Variants in URB1 observed in about 807,000 individuals in gnomAD.
The protein encoded by URB1 is nucleolar pre-ribosomal-associated protein 1.
URB1 carries 197 observed loss-of-function variants against 242.3 expected under a neutral mutation model. That is an observed-to-expected ratio of 0.81 (90% CI 0.72 to 0.91). The LOEUF (loss-of-function observed/expected upper bound fraction) is 0.91, where lower values mean the gene tolerates loss of function less well. URB1 is among the 40% of genes least tolerant of loss of function. The pLI is 0.00. For missense variants in URB1, 2,721 were observed against 2,860.5 expected, an observed-to-expected ratio of 0.95 and a Z score of 1.11; for synonymous variants, 1,153 against 1,201.8, an observed-to-expected ratio of 0.96 and a Z score of 0.84.
At chr21:32,326,756 G>A (rs2032834706) in intron 30 of URB1, among the ~76,000 whole-genome samples, 1 of 152,100 alleles carries the variant, frequency 6.6e-6, no homozygotes, top group African/African-American at 2.4e-5. Context: ...AGTTTCCTGA[G>A]GCCTCCCCAG....
chr21:32,373,433 TA>T (rs113158287), intron 7 of URB1, among the ~76,000 whole-genome samples: 8 of 145,340 alleles, frequency 5.5e-5, no homozygotes, highest in South Asian at 2.1e-4. Flanking sequence ...GTTTTCTAAT[TA>T]AAAAAAAAAA....
rs547500558 is a variant in URB1 at position 32,320,706 on chromosome 21, G to A, written c.5485-66C>T. 1.8e-5 allele frequency: 22 copies of A among 1,210,230 alleles called. No individual in the cohort carries two copies. In the East Asian group the frequency reaches 2.3e-4, roughly 13 times the overall value. 75.0% of individuals were successfully genotyped at this position (1,210,230 alleles called of 1,614,324 possible). A position where few individuals can be genotyped will look rare whatever the true frequency, so the allele number is the denominator to read the frequency against. ...CCCACTTTACTTGATTAAAGAAACCGTTTTAAAAATTAATGGTATGGTGCC... is the reference window on the plus strand; with the variant it reads ...CCCACTTTACTTGATTAAAGAAACCATTTTAAAAATTAATGGTATGGTGCC... On this transcript the variant is annotated intron_variant, in intron 34 of 38. Coordinates refer to ENST00000382751, the MANE Select transcript of URB1 (RefSeq NM_014825.3).
In URB1 at chr21:32,372,446, A is replaced by G. The variant is rs1426655410; in HGVS notation, c.1001+61T>C. 1.2e-5 allele frequency: 18 copies of G among 1,522,730 alleles called. No homozygotes were observed. In the Admixed American group the frequency reaches 3.6e-4, roughly 31 times the overall value. 94.3% of individuals were successfully genotyped at this position (1,522,730 alleles called of 1,614,324 possible). On this transcript the variant is annotated intron_variant, in intron 8 of 38. Transcript: ENST00000382751. ...TACTACAGTTCCACTAGACACTCAC[A>G]TATGTGGTGACTTCTGAGGAACATA...
chr21:32,314,462 G>A lies in URB1; in HGVS notation c.*456C>T. ...GGCCTCCCAAAGTGCTGGGATTATA[G>A]GCGTGAGCCACCTCACCTGCTGAAA... On this transcript the variant is annotated 3_prime_UTR_variant, in exon 39 of 39. Transcript: ENST00000382751. The A allele has an allele frequency of 4.9e-6, 6 of 1,228,112 alleles. No individual in the cohort carries two copies. The highest frequency in any genetic ancestry group is 7.2e-6 in the Non-Finnish European group (6 of 835,400). The allele number at this position is 1,228,112 out of a possible 1,614,324, so 76.1% of individuals were successfully genotyped here.
chr21:32,319,488 A>G, intron 35 of URB1, 74 bp from the exon 36 acceptor site: 1 of 1,358,760 alleles, frequency 7.4e-7, no homozygotes, highest in South Asian at 1.7e-5. Context: ...CGCCCTCCAT[A>G]ATCCTATCTG....
chr21:32,321,692 G>A (rs1237473679), intron 34 of URB1, 109 bp downstream of exon 34: 16 of 1,464,158 alleles, frequency 1.1e-5, no homozygotes, highest in African/African-American at 5.6e-5. Flanking sequence ...GGGTTAGGTC[G>A]GTCGTGTCCA....
intron 27 of URB1, 94 bp downstream of exon 27, chr21:32,337,310 T>G (rs2032971622): frequency 2.2e-6 from 3 of 1,364,896 alleles, no homozygotes; most frequent in Non-Finnish European, 3.0e-6. Flanking sequence ...CTCCTCCTGC[T>G]CACATCCCTC....
rs143152074 is a variant in URB1, at chr21:32,343,933, G to A, written c.4257+637C>T. Among the ~76,000 whole-genome samples, 11 of 151,128 alleles carry A rather than the reference G, an allele frequency of 7.3e-5. No homozygotes were observed. The East Asian group carries it at 2.1e-3, about 29-fold the overall frequency. On this transcript the variant is annotated intron_variant, in intron 24 of 38. Transcript: ENST00000382751. Reference sequence around the variant, plus strand: ...AGAGAAAGAAGACACAACACACAGAGAAACAAAGGCAAGAAAGGCAAGTTT... The same window carrying A: ...AGAGAAAGAAGACACAACACACAGAAAAACAAAGGCAAGAAAGGCAAGTTT...
At position 32,349,491 on chromosome 21, in the gene URB1, G is replaced by A; in HGVS notation, c.2833-8C>T. 6.5e-7 allele frequency: 1 copy of A among 1,539,944 alleles called. No homozygotes were observed. Among genetic ancestry groups the A allele is most frequent in the Non-Finnish European group, 8.8e-7 (1 of 1,142,336 alleles). On this transcript the variant is annotated splice_polypyrimidine_tract_variant and splice_region_variant and intron_variant, in intron 20 of 38. Coordinates refer to ENST00000382751, the MANE Select transcript of URB1 (RefSeq NM_014825.3). ...GCCCACACTTCTGCCCAGCTGTGAG[G>A]ACAAGAGCACGAGCCTCAGCAGGGA... is the stretch of plus-strand genomic sequence containing the variant.
intron 24 of URB1, 31 bp downstream of exon 24, chr21:32,344,539 T>C: frequency 6.5e-7 from 1 of 1,547,182 alleles, no homozygotes. Context: ...CCACAGAAAT[T>C]TAATCTGGAT....
At chr21:32,377,389 G>C (rs1056839667) in intron 5 of URB1, 9 of 488,080 alleles carry the variant, frequency 1.8e-5, no homozygotes, top group African/African-American at 1.8e-4. Context: ...ACTGTAGTAT[G>C]TTCCAGCCCC....
chr21:32,340,761 G>T (rs2033020367), intron 25 of URB1, among the ~76,000 whole-genome samples: 1 of 152,124 alleles, frequency 6.6e-6, no homozygotes, highest in South Asian at 2.1e-4. Flanking sequence ...GGGAGAGAAT[G>T]AGAGAATGAG....
chr21:32,365,913 TC>T (rs1474527356), intron 10 of URB1, among the ~76,000 whole-genome samples: 2 of 152,068 alleles, frequency 1.3e-5, no homozygotes, highest in African/African-American at 4.8e-5. Flanking sequence ...ATACCTGTCC[TC>T]CCCCAGGTAC....
chr21:32,346,872 AG>A, intron 22 of URB1, 83 bp downstream of exon 22: 19 of 1,433,352 alleles, frequency 1.3e-5, no homozygotes, highest in Non-Finnish European at 1.7e-5. Flanking sequence ...CTGAATTTCT[AG>A]GGTTTAAAAA....
At position 32,345,525 on chromosome 21, in the gene URB1, G is replaced by A. The variant is rs2047200327; in HGVS notation, c.3919C>T (p.Gln1307Ter). Reference protein sequence around the residue: ...VLRKTLWRQLQSRLLSTDSPP... With the variant: ...VLRKTLWRQL ...CTGTCAGTGCTAAGAAGCCTGCTCT[G>A]TAGCTGCCTCCACAGGGTCTTCCTC... Residue 1307 changes from glutamine (Q) to a stop codon, truncating the protein, a stop_gained, in exon 23 of 39, where the codon CAG becomes TAG. Coordinates refer to ENST00000382751, the MANE Select transcript of URB1 (RefSeq NM_014825.3). LOFTEE classifies it high-confidence loss of function. 3 of 1,550,320 alleles carry A rather than the reference G, an allele frequency of 1.9e-6. No homozygotes were observed. The South Asian group carries it at 3.6e-5, about 18-fold the overall frequency.
In URB1 at chr21:32,324,479, T is replaced by C. The variant is rs1393463026; in HGVS notation, c.5233+12A>G. 6 of 1,545,980 alleles carry C rather than the reference T, an allele frequency of 3.9e-6. No homozygotes were observed. Among genetic ancestry groups the C allele is most frequent in the East Asian group, 2.4e-5 (1 of 40,908 alleles). ...TTTCAATTTCCCCTCAACCTAATTA[T>C]GTCAGTGGTACCTGGTTTCAAAATC... On this transcript the variant is annotated intron_variant, in intron 32 of 38. Coordinates refer to ENST00000382751, the MANE Select transcript of URB1 (RefSeq NM_014825.3).
At position 32,321,827 on chromosome 21, in the gene URB1, T is replaced by C. The variant is rs548632246; in HGVS notation, c.5458A>G (p.Ser1820Gly). 2 of 1,551,690 alleles carry C rather than the reference T, an allele frequency of 1.3e-6. No individual in the cohort carries two copies. The highest frequency in any genetic ancestry group is 2.4e-5 in the South Asian group (2 of 84,062). The change falls in exon 34 of 39, where the codon AGC (serine) becomes GGC (glycine). Residue 1820 changes from serine to glycine, a missense_variant. Transcript: ENST00000382751. ...TGTGCTGCCTCGTCACACAGCGGGCTGTGGAAGAAGGACAGGATGATGTGG... is the reference window on the plus strand; with the variant it reads ...TGTGCTGCCTCGTCACACAGCGGGCCGTGGAAGAAGGACAGGATGATGTGG... Reference protein sequence around the residue: ...IFHIILSFFHSPLCDEAAQNW... With the variant: ...IFHIILSFFHGPLCDEAAQNW...
In URB1 at chr21:32,361,042, A is replaced by C. The variant is rs1370425760; in HGVS notation, c.1721T>G (p.Met574Arg). 3 of 1,550,994 alleles carry C rather than the reference A, an allele frequency of 1.9e-6. No homozygotes were observed. Among genetic ancestry groups the C allele is most frequent in the Non-Finnish European group, 2.6e-6 (3 of 1,146,848 alleles). ...CTTGCTGAAGTCAAAGTTGTACTGC[A>C]TGACCACGTGGGGGACCACCTTCTG... The part of the protein sequence containing the change: ...LYQKVVPHVV[M>R]QYNFDFSKLL... Residue 574 changes from methionine (M) to arginine (R), a missense_variant, in exon 13 of 39, where the codon ATG (methionine) becomes AGG (arginine). Coordinates refer to ENST00000382751, the MANE Select transcript of URB1 (RefSeq NM_014825.3).
In URB1 at chr21:32,384,362, T is replaced by A; in HGVS notation, c.385A>T (p.Asn129Tyr). The change falls in exon 3 of 39, where the codon AAC becomes TAC. Residue 129 changes from asparagine to tyrosine, a missense_variant. Transcript: ENST00000382751. ...VGTNIVKKLM[N>Y]NHMKLICESL... ...TCACAGATGAGCTTCATGTGGTTGTTCATCAGCTTTTTCACAATGTTGGTT... is the reference window on the plus strand; with the variant it reads ...TCACAGATGAGCTTCATGTGGTTGTACATCAGCTTTTTCACAATGTTGGTT... The A allele has an allele frequency of 6.4e-7, 1 of 1,552,356 alleles. No homozygotes were observed. Among genetic ancestry groups the A allele is most frequent in the Non-Finnish European group, 8.7e-7 (1 of 1,147,124 alleles).
Sources: allele counts gnomAD v4.1 joint callset (sites outside exome capture counted in the v4.1 genomes callset), GRCh38; gene constraint gnomAD v4.1.1; transcripts MANE v1.5; gene names NCBI Gene and HGNC (gene_info 2026-07-23, HGNC 2026-07-21).